Variants in ZBTB7C observed in about 807,000 individuals in gnomAD.
ZBTB7C encodes the protein zinc finger and BTB domain containing 7C, also known as zinc finger and BTB domain-containing protein 7C.
A neutral mutation model predicts 25.7 loss-of-function variants in ZBTB7C; 8 were observed. The observed-to-expected ratio is 0.31, with a 90% CI of 0.18 to 0.56. ZBTB7C has a LOEUF of 0.56. ZBTB7C is among the 20% of genes least tolerant of loss of function. The pLI is 0.91. For synonymous variants in ZBTB7C, 394 were observed against 369.0 expected, an observed-to-expected ratio of 1.07 and a Z score of -0.78; for missense variants, 824 against 855.2, an observed-to-expected ratio of 0.96 and a Z score of 0.46.
intron 2 of ZBTB7C, among the ~76,000 whole-genome samples, chr18:48,189,284 A>G (rs2042136566): frequency 1.3e-5 from 2 of 152,222 alleles, no homozygotes; most frequent in African/African-American, 2.4e-5. Context: ...GATTTTATTA[A>G]TTTGGAAAGG....
At chr18:48,272,010 C>T (rs1180921016) in intron 2 of ZBTB7C, among the ~76,000 whole-genome samples, 1 of 152,180 alleles carries the variant, frequency 6.6e-6, no homozygotes, top group African/African-American at 2.4e-5. Flanking sequence ...AAACAAACAA[C>T]ATTCTCATTA....
rs1568247560 is a variant in ZBTB7C, at chr18:48,136,881, G to GCAGCGCGTAGCGAGAATC, written c.-17+49052_-17+49053insGATTCTCGCTACGCGCTG. 9.7e-6 allele frequency: 8 copies of GCAGCGCGTAGCGAGAATC among 825,744 alleles called. No individual in the cohort carries two copies. The Admixed American group carries it at 4.4e-4, about 45-fold the overall frequency. The allele number at this position is 825,744 out of a possible 1,614,324, so 51.2% of individuals were successfully genotyped here. A position where few individuals can be genotyped will look rare whatever the true frequency, so the allele number is the denominator to read the frequency against. On this transcript the variant is annotated intron_variant, in intron 3 of 4. Coordinates refer to ENST00000590800, the MANE Select transcript of ZBTB7C (RefSeq NM_001318841.2). Reference sequence around the variant, plus strand: ...GGTCCCCGCAGCGCGTAGCGAGAATGCCCGCAGCGCTCTCCCGGCCGCCCG... The same window carrying GCAGCGCGTAGCGAGAATC: ...GGTCCCCGCAGCGCGTAGCGAGAATGCAGCGCGTAGCGAGAATCCCCGCAGCGCTCTCCCGGCCGCCCG...
intron 4 of ZBTB7C, among the ~76,000 whole-genome samples, chr18:48,038,376 C>T (rs945384788): frequency 6.6e-6 from 1 of 152,014 alleles, no homozygotes; most frequent in Non-Finnish European, 1.5e-5. Flanking sequence ...GACCCCAAGG[C>T]CACCTTGGAA....
intron 3 of ZBTB7C, among the ~76,000 whole-genome samples, chr18:48,104,635 G>T (rs2038965148): frequency 6.6e-6 from 1 of 152,200 alleles, no homozygotes; most frequent in African/African-American, 2.4e-5. Flanking sequence ...AAGGCATTTG[G>T]TAATCGTTAG....
chr18:48,246,440 A>T (rs1214088718), intron 2 of ZBTB7C, among the ~76,000 whole-genome samples: 1 of 151,398 alleles, frequency 6.6e-6, no homozygotes, highest in African/African-American at 2.4e-5. Context: ...AAAAAAAAAT[A>T]AATAATAAAA....
chr18:48,299,288 T>C (rs948225898), intron 2 of ZBTB7C, among the ~76,000 whole-genome samples: 9 of 152,222 alleles, frequency 5.9e-5, no homozygotes, highest in Middle Eastern at 3.2e-3. Context: ...AAGAGGGCCA[T>C]GCTGTCCTCA....
Position 48,336,143 on chromosome 18 carries a change from G to C in ZBTB7C, c.-79+2031C>G, listed in dbSNP as rs571861575. ...CAGTCTTTCTGTGTGCCCAGCAACT[G>C]CCAAAGCACTTAAATGCAGTCACCA... On this transcript the variant is annotated intron_variant, in intron 2 of 4. Coordinates refer to ENST00000590800, the MANE Select transcript of ZBTB7C (RefSeq NM_001318841.2). Among the ~76,000 whole-genome samples, 50 of 152,290 alleles carry C rather than the reference G, an allele frequency of 3.3e-4. 1 individual carries two copies. The highest frequency in any genetic ancestry group is 3.8e-4 in the Non-Finnish European group (26 of 68,012).
intron 3 of ZBTB7C, among the ~76,000 whole-genome samples, chr18:48,082,038 T>C (rs367920953): frequency 3.3e-5 from 5 of 152,192 alleles, no homozygotes; most frequent in African/African-American, 1.2e-4. Context: ...TGGCACAATA[T>C]TTCTATAGGA....
chr18:48,279,419 T>TC (rs2044765619), intron 2 of ZBTB7C, among the ~76,000 whole-genome samples: 1 of 152,298 alleles, frequency 6.6e-6, no homozygotes, highest in Admixed American at 6.5e-5. Context: ...AAGTCTGGCA[T>TC]CCCCTCACAT....
intron 1 of ZBTB7C, among the ~76,000 whole-genome samples, chr18:48,398,557 C>A (rs2048082382): frequency 6.6e-6 from 1 of 152,168 alleles, no homozygotes; most frequent in African/African-American, 2.4e-5. Flanking sequence ...ACCTCTGTGG[C>A]TTCTCTTTGC....
At chr18:48,336,362 A>G (rs1273038214) in intron 2 of ZBTB7C, among the ~76,000 whole-genome samples, 1 of 152,240 alleles carries the variant, frequency 6.6e-6, no homozygotes, top group Non-Finnish European at 1.5e-5. Context: ...AATCACGGAA[A>G]CAAGCTACAT....
chr18:48,084,789 C>G (rs1193665794), intron 3 of ZBTB7C, among the ~76,000 whole-genome samples: 1 of 152,162 alleles, frequency 6.6e-6, no homozygotes. Flanking sequence ...GTTTGAAGCA[C>G]TTGGCAAGGC....
At chr18:48,199,913 G>C (rs2145196571) in intron 2 of ZBTB7C, among the ~76,000 whole-genome samples, 1 of 152,308 alleles carries the variant, frequency 6.6e-6, no homozygotes, top group Non-Finnish European at 1.5e-5. Flanking sequence ...CAAAATGAAA[G>C]AAGGCATTCA....
intron 2 of ZBTB7C, among the ~76,000 whole-genome samples, chr18:48,201,017 T>G (rs1225583645): frequency 6.6e-6 from 1 of 152,198 alleles, no homozygotes; most frequent in Non-Finnish European, 1.5e-5. Flanking sequence ...AACACCTGCA[T>G]GTGGGCATCG....
chr18:48,037,584 A>T (rs2036029137), intron 4 of ZBTB7C, among the ~76,000 whole-genome samples: 1 of 152,224 alleles, frequency 6.6e-6, no homozygotes, highest in African/African-American at 2.4e-5. Context: ...ACCTCACAGA[A>T]GGCTGTGCGT....
intron 2 of ZBTB7C, among the ~76,000 whole-genome samples, chr18:48,248,097 C>T (rs903282122): frequency 3.3e-5 from 5 of 152,328 alleles, no homozygotes; most frequent in African/African-American, 9.6e-5. Flanking sequence ...TTTGCTCCTC[C>T]TTTACCTTCT....
intron 3 of ZBTB7C, among the ~76,000 whole-genome samples, chr18:48,177,350 C>T (rs1340174110): frequency 6.6e-6 from 1 of 152,206 alleles, no homozygotes; most frequent in Non-Finnish European, 1.5e-5. Context: ...TCAAGGCCCC[C>T]TCCTGGTGAC....
rs1275410902 is a variant in ZBTB7C at position 48,367,196 on chromosome 18, TATATATACACACAC to T, written c.-303-28812_-303-28799del. 4.3e-3 allele frequency among the ~76,000 whole-genome samples: 250 copies of T among 57,474 alleles called. 7 individuals are homozygous for T. The highest frequency in any genetic ancestry group is 0.015 in the African/African-American group (224 of 14,992). The allele number at this position is 57,474 out of a possible 152,430, so 37.7% of individuals were successfully genotyped here. A position where few individuals can be genotyped will look rare whatever the true frequency, so the allele number is the denominator to read the frequency against. Reference sequence around the variant, plus strand: ...AGTTTTATATATATATATATATATATATATATACACACACACACACACACACACACACACACATA... The same window carrying T: ...AGTTTTATATATATATATATATATATACACACACACACACACACACACATA... On this transcript the variant is annotated intron_variant, in intron 1 of 4. Transcript: ENST00000590800.
chr18:48,155,848 A>T (rs1010549281), intron 3 of ZBTB7C, among the ~76,000 whole-genome samples: 2 of 152,186 alleles, frequency 1.3e-5, no homozygotes, highest in Admixed American at 1.3e-4. Flanking sequence ...CCAGATTTTT[A>T]GATCTTACTT....
Sources: gnomAD v4.1 joint callset for allele counts (sites outside exome capture counted in the v4.1 genomes callset) on GRCh38, gnomAD v4.1.1 for gene constraint, MANE v1.5 for transcripts, NCBI Gene and HGNC (gene_info 2026-07-23, HGNC 2026-07-21) for gene names.